The following EHMT1 variants were observed in gnomAD, a reference collection of about 807,000 sequenced individuals.
The protein encoded by EHMT1 is euchromatic histone lysine methyltransferase 1.
Under a neutral mutation model 147.2 loss-of-function variants are expected in EHMT1, and 15 were observed. The ratio of observed to expected loss-of-function variants is 0.10; its 90% CI spans 0.07 to 0.16. The LOEUF (loss-of-function observed/expected upper bound fraction) is 0.16, where lower values mean the gene tolerates loss of function less well. Ranked by LOEUF, EHMT1 falls within the 10% of genes least tolerant of loss-of-function variation. The pLI, the probability that EHMT1 is intolerant of heterozygous loss-of-function variation, is 1.00. For missense variants in EHMT1, 1,587 were observed against 1,772.4 expected (o/e 0.90, Z 1.88); for synonymous variants, 795 against 709.6 (o/e 1.12, Z -1.91).
At chr9:137,652,975 G>A (rs10867040) in intron 1 of EHMT1, among the ~76,000 whole-genome samples, 26,080 of 151,814 alleles carry the variant, frequency 0.17, 2,481 homozygotes, top group Admixed American at 0.3. Flanking sequence ...TGATCCATTC[G>A]CCTTGGCCTC....
intron 2 of EHMT1, among the ~76,000 whole-genome samples, chr9:137,715,104 T>C (rs1325279760): frequency 6.6e-6 from 1 of 152,182 alleles, no homozygotes; most frequent in African/African-American, 2.4e-5. Flanking sequence ...TGTACTCTTG[T>C]GTTTTAGTTG....
intron 18 of EHMT1, among the ~76,000 whole-genome samples, chr9:137,811,194 C>T (rs573081391): frequency 6.6e-6 from 1 of 152,186 alleles, no homozygotes; most frequent in Admixed American, 6.5e-5. Flanking sequence ...TATTTTTATT[C>T]TTTACTGTGA....
At chr9:137,627,702 A>AT (rs71296960) in intron 1 of EHMT1, among the ~76,000 whole-genome samples, 5,837 of 136,102 alleles carry the variant, frequency 0.043, 157 homozygotes, top group Non-Finnish European at 0.064. Flanking sequence ...TATAAGCTGG[A>AT]TTTTTTTTTT....
In EHMT1 at chr9:137,813,402, T is replaced by C. The variant is rs1954653796; in HGVS notation, c.3052T>C (p.Tyr1018His). The change falls in exon 21 of 27, where the codon TAC (tyrosine) becomes CAC (histidine). Residue 1018 changes from tyrosine (Y) to histidine (H), a missense_variant. Coordinates refer to ENST00000460843, the MANE Select transcript of EHMT1 (RefSeq NM_024757.5). The surrounding 1 kb of genome is among the most constrained non-coding windows in gnomAD (Gnocchi z 4.9). ...RIVSRDIARG[Y>H]ERIPIPCVNA... ...CCATGGCAGGGACATCGCTCGAGGC[T>C]ACGAGCGCATCCCCATCCCCTGTGT... The C allele has an allele frequency of 6.2e-7, 1 of 1,612,566 alleles. No homozygotes were observed. The highest frequency in any genetic ancestry group is 8.5e-7 in the Non-Finnish European group (1 of 1,179,686).
intron 1 of EHMT1, among the ~76,000 whole-genome samples, chr9:137,706,227 G>C (rs1376523675): frequency 6.6e-6 from 1 of 152,218 alleles, no homozygotes; most frequent in Non-Finnish European, 1.5e-5. Context: ...AAATGCAGAT[G>C]ATTTTTTTGG....
chr9:137,820,682 C>T (rs1037777409), intron 25 of EHMT1, among the ~76,000 whole-genome samples: 1 of 152,060 alleles, frequency 6.6e-6, no homozygotes, highest in Non-Finnish European at 1.5e-5. Context: ...TATTTTTTTC[C>T]CATCTTGTTA....
chr9:137,776,839 G>A lies in EHMT1; in HGVS notation c.2013G>A (p.Thr671=), dbSNP rs768386654. ...SALEGRADTT[T]GSAAGPPLSE... is the part of the protein sequence containing the mutation. ...TGGAGGGCAGGGCCGACACCACAAC[G>A]GGCAGGTACCTGGCACAGGCTCTGG... Residue 671 remains threonine, a synonymous_variant, in exon 12 of 27, where the codon ACG becomes ACA. Transcript: ENST00000460843. This position sits in a 1 kb window ranked among gnomAD's most constrained non-coding sequence, Gnocchi z 4.4. 1 of 1,613,602 alleles carries A rather than the reference G, an allele frequency of 6.2e-7. No individual in the cohort carries two copies. Among genetic ancestry groups the A allele is most frequent in the Non-Finnish European group, 8.5e-7 (1 of 1,179,976 alleles).
At chr9:137,669,345 A>AGCACGTGCACTCGACTCCACCCAAGACCT (rs1564562465) in intron 1 of EHMT1, among the ~76,000 whole-genome samples, 1 of 9,084 alleles carries the variant, frequency 1.1e-4, no homozygotes. Flanking sequence ...TGGACCCCAC[A>AGCACGTGCACTCGACTCCACCCAAGACCT]CCACCCAAGA....
intron 1 of EHMT1, 40 bp from the exon 2 acceptor site, chr9:137,710,927 C>G: frequency 6.4e-7 from 1 of 1,570,052 alleles, no homozygotes; most frequent in Non-Finnish European, 8.6e-7. Flanking sequence ...AAGCGGCCTC[C>G]CACTGAACCC....
intron 10 of EHMT1, among the ~76,000 whole-genome samples, chr9:137,774,135 T>C (rs1396997816): frequency 1.3e-5 from 2 of 152,236 alleles, no homozygotes; most frequent in Non-Finnish European, 2.9e-5. Flanking sequence ...ACAGATTCAT[T>C]GTACCGCTGC....
intron 7 of EHMT1, among the ~76,000 whole-genome samples, chr9:137,753,224 C>T (rs1043317877): frequency 6.6e-6 from 1 of 151,994 alleles, no homozygotes; most frequent in East Asian, 1.9e-4. Flanking sequence ...AAGTGGCTCA[C>T]GGTGTGGGCT....
intron 13 of EHMT1, 119 bp downstream of exon 13, chr9:137,778,174 G>T (rs900580102): frequency 2.3e-6 from 3 of 1,285,344 alleles, no homozygotes; most frequent in Non-Finnish European, 3.3e-6. Flanking sequence ...CTGTTCGTTA[G>T]AATAATTCGT....
intron 1 of EHMT1, among the ~76,000 whole-genome samples, chr9:137,708,828 A>G (rs1172124721): frequency 6.6e-6 from 1 of 152,204 alleles, no homozygotes; most frequent in Non-Finnish European, 1.5e-5. Flanking sequence ...TGGTATGTTC[A>G]GGTCTGAGTG....
intron 4 of EHMT1, among the ~76,000 whole-genome samples, chr9:137,740,986 T>TC (rs1948011339): frequency 6.8e-6 from 1 of 147,778 alleles, no homozygotes; most frequent in Non-Finnish European, 1.5e-5. Flanking sequence ...ATTTTTTTTT[T>TC]GTTTGTTTGA....
chr9:137,833,236 G>A (rs1956345714), intron 25 of EHMT1, among the ~76,000 whole-genome samples: 1 of 152,182 alleles, frequency 6.6e-6, no homozygotes, highest in South Asian at 2.1e-4. Context: ...CCGCCCTCTC[G>A]GAACTCGGTC....
Position 137,716,655 on chromosome 9 carries a change from G to A in EHMT1, c.115G>A (p.Ala39Thr), listed in dbSNP as rs1311830257. Residue 39 changes from alanine to threonine, a missense_variant, in exon 3 of 27, where the codon GCA becomes ACA. Around this residue, in one of 7 missense-constraint regions of EHMT1, gnomAD observed 810 missense variants for 673.0 expected, o/e 1.20. Coordinates refer to ENST00000460843, the MANE Select transcript of EHMT1 (RefSeq NM_024757.5). ...ETPMAADEGS[A>T]EKQAGEAHMA... ...ACCTATGGCTGCCGATGAAGGCTCA[G>A]CAGAGAAACAGGCAGGAGAGGCCCA... The A allele has an allele frequency of 1.3e-6, 2 of 1,590,058 alleles. No homozygotes were observed. Among genetic ancestry groups the A allele is most frequent in the South Asian group, 1.1e-5 (1 of 88,824 alleles).
At position 137,789,720 on chromosome 9, in the gene EHMT1, G is replaced by GT. The variant is rs149467416; in HGVS notation, c.2383-1122dup. ...CTCTCACTTGCCCCTCTGTTTTGTG[G>GT]TTTTTTGTTTTGTTTTGTTTTGTTT... On this transcript the variant is annotated intron_variant, in intron 15 of 26. Coordinates refer to ENST00000460843, the MANE Select transcript of EHMT1 (RefSeq NM_024757.5). Among the ~76,000 whole-genome samples the GT allele has an allele frequency of 2.6e-3, 389 of 152,136 alleles. 12 individuals carry two copies. The East Asian group carries it at 0.063, about 25-fold the overall frequency.
At chr9:137,638,376 C>G (rs917978027) in intron 1 of EHMT1, 2 of 152,062 alleles carry the variant, frequency 1.3e-5, no homozygotes, top group Non-Finnish European at 2.9e-5. Context: ...TCCCAAGTAG[C>G]TGAGATTACA....
Position 137,834,505 on chromosome 9 carries a change from G to A in EHMT1, c.3697G>A (p.Glu1233Lys). 1 of 1,611,428 alleles carries A rather than the reference G, an allele frequency of 6.2e-7. No individual in the cohort carries two copies. The highest frequency in any genetic ancestry group is 8.5e-7 in the Non-Finnish European group (1 of 1,179,728). ...CGCCTTCTTCAGCACCCGCCTGATC[G>A]AGGCCGGCGAGCAGCTCGGGTACGC... ...RIAFFSTRLIEAGEQLGFDYG... is the reference protein window; with the variant it reads ...RIAFFSTRLIKAGEQLGFDYG... The change falls in exon 26 of 27, where the codon GAG becomes AAG. Residue 1233 changes from glutamate (E) to lysine (K), a missense_variant. Physicochemically the swap from Glu to Lys is moderately conservative, Grantham distance 56. This residue lies in a region of EHMT1 where 141 missense variants were observed against 150.8 expected (regional missense o/e 0.94). Transcript: ENST00000460843.
Sources: allele counts gnomAD v4.1 joint callset (sites outside exome capture counted in the v4.1 genomes callset), GRCh38; gene constraint gnomAD v4.1.1; regional missense constraint gnomAD v4.1.1; non-coding constraint Gnocchi (gnomAD v3.1); transcripts MANE v1.5; gene names NCBI Gene and HGNC (gene_info 2026-07-23, HGNC 2026-07-21).